Variants in TRPC4 observed in about 807,000 individuals in gnomAD.
TRPC4 encodes the protein transient receptor potential cation channel subfamily C member 4, also known as short transient receptor potential channel 4.
TRPC4 carries 49 observed loss-of-function variants against 99.4 expected under a neutral mutation model. The observed-to-expected ratio is 0.49, with a 90% CI of 0.39 to 0.63. The LOEUF is 0.63. Among genes scored for constraint, TRPC4 ranks in the 20% least tolerant of loss-of-function variants. The pLI, the probability that TRPC4 is intolerant of heterozygous loss-of-function variation, is 0.00. For synonymous variants in TRPC4, 454 were observed against 425.9 expected (o/e 1.07, Z -0.81); for missense variants, 898 against 1,152.9 (o/e 0.78, Z 3.20).
rs145188910 is a variant in TRPC4 at position 37,716,800 on chromosome 13, C to T, written c.898-24465G>A. Reference sequence around the variant, plus strand: ...AGCATGGTATTTTTAAACTAGGAAGCTGGAAAAAAACATTTTTATTTTTAA... The same window carrying T: ...AGCATGGTATTTTTAAACTAGGAAGTTGGAAAAAAACATTTTTATTTTTAA... On this transcript the variant is annotated intron_variant, in intron 3 of 10. Coordinates refer to ENST00000379705, the MANE Select transcript of TRPC4 (RefSeq NM_016179.4). 1.6e-3 allele frequency among the ~76,000 whole-genome samples: 243 copies of T among 152,180 alleles called. 2 individuals carry two copies. The highest frequency in any genetic ancestry group is 5.3e-3 in the African/African-American group (221 of 41,534).
intron 3 of TRPC4, among the ~76,000 whole-genome samples, chr13:37,694,892 T>C (rs1193283083): frequency 6.6e-6 from 1 of 152,182 alleles, no homozygotes; most frequent in Non-Finnish European, 1.5e-5. Context: ...CTGAGAATCA[T>C]TGTAAATCCA....
At chr13:37,793,677 A>G (rs1485469328) in intron 1 of TRPC4, among the ~76,000 whole-genome samples, 2 of 152,074 alleles carry the variant, frequency 1.3e-5, no homozygotes, top group Admixed American at 6.6e-5. Context: ...AAATCTACCA[A>G]TAAGATAAAA....
chr13:37,861,958 G>A (rs1959368347), intron 1 of TRPC4, among the ~76,000 whole-genome samples: 1 of 151,232 alleles, frequency 6.6e-6, no homozygotes, highest in South Asian at 2.1e-4. Context: ...TTCCAATAAT[G>A]GTTTTTTTTA....
chr13:37,860,482 A>C (rs1429607638), intron 1 of TRPC4, among the ~76,000 whole-genome samples: 1 of 151,420 alleles, frequency 6.6e-6, no homozygotes, highest in Non-Finnish European at 1.5e-5. Flanking sequence ...CCTTTCTTAA[A>C]ACCTTTTTGT....
intron 1 of TRPC4, among the ~76,000 whole-genome samples, chr13:37,794,315 T>C (rs1957197163): frequency 6.6e-6 from 1 of 152,142 alleles, no homozygotes; most frequent in African/African-American, 2.4e-5. Context: ...CTGTCCTTAA[T>C]AACTAGCAAA....
At chr13:37,658,580 CA>C (rs1270236077) in intron 6 of TRPC4, among the ~76,000 whole-genome samples, 1 of 152,116 alleles carries the variant, frequency 6.6e-6, no homozygotes, top group African/African-American at 2.4e-5. Context: ...TGGCCAGTTA[CA>C]ACCATTAGGA....
At chr13:37,677,172 A>G (rs972347509) in intron 4 of TRPC4, among the ~76,000 whole-genome samples, 1 of 152,062 alleles carries the variant, frequency 6.6e-6, no homozygotes, top group Admixed American at 6.5e-5. Context: ...TTAATATTTT[A>G]TATTGTAAAT....
chr13:37,768,697 T>C (rs1408682132), intron 2 of TRPC4, among the ~76,000 whole-genome samples: 1 of 127,520 alleles, frequency 7.8e-6, no homozygotes, highest in Non-Finnish European at 1.8e-5. Context: ...CACACACACA[T>C]CAGGATAGGT....
intron 1 of TRPC4, among the ~76,000 whole-genome samples, chr13:37,795,500 T>C (rs1000595283): frequency 2.0e-5 from 3 of 151,620 alleles, no homozygotes; most frequent in Admixed American, 6.6e-5. Flanking sequence ...CAGCAAGCTC[T>C]ATCAGGGGGG....
intron 2 of TRPC4, among the ~76,000 whole-genome samples, chr13:37,765,323 A>G (rs1956334877): frequency 6.6e-6 from 1 of 151,458 alleles, no homozygotes; most frequent in African/African-American, 2.4e-5. Flanking sequence ...GGGTTTTTTA[A>G]TAGGCTAAAT....
intron 1 of TRPC4, among the ~76,000 whole-genome samples, chr13:37,783,879 G>GT (rs571958280): frequency 1.2e-3 from 185 of 151,384 alleles, no homozygotes; most frequent in Non-Finnish European, 2.0e-3. Context: ...GTTTTGTTTT[G>GT]TTTTTTTTGG....
intron 1 of TRPC4, among the ~76,000 whole-genome samples, chr13:37,822,352 G>A (rs1265173667): frequency 3.9e-5 from 6 of 151,910 alleles, no homozygotes; most frequent in Admixed American, 6.6e-5. Context: ...GTATACATGT[G>A]CCATGCTGGT....
chr13:37,659,467 C>G (rs1203880027), intron 6 of TRPC4, among the ~76,000 whole-genome samples: 1 of 152,056 alleles, frequency 6.6e-6, no homozygotes, highest in Non-Finnish European at 1.5e-5. Context: ...TATAAATTAC[C>G]TAGTCTCAGA....
intron 6 of TRPC4, among the ~76,000 whole-genome samples, chr13:37,658,099 C>A (rs889909767): frequency 1.3e-5 from 2 of 152,136 alleles, no homozygotes; most frequent in African/African-American, 2.4e-5. Context: ...TCTATTGAGA[C>A]CAACATTGCC....
At chr13:37,845,803 C>A (rs796163273) in intron 1 of TRPC4, among the ~76,000 whole-genome samples, 1 of 151,974 alleles carries the variant, frequency 6.6e-6, no homozygotes, top group Non-Finnish European at 1.5e-5. Flanking sequence ...CAACAACATC[C>A]AGGTACAGGC....
chr13:37,764,834 T>C (rs1393533756), intron 2 of TRPC4, among the ~76,000 whole-genome samples: 1 of 148,852 alleles, frequency 6.7e-6, no homozygotes, highest in African/African-American at 2.5e-5. Context: ...TTTTTGCATC[T>C]AGTGAGAATC....
At chr13:37,756,267 G>GATGAATGT (rs1222501273) in intron 2 of TRPC4, among the ~76,000 whole-genome samples, 1 of 152,184 alleles carries the variant, frequency 6.6e-6, no homozygotes, top group Non-Finnish European at 1.5e-5. Context: ...TAGATGAATG[G>GATGAATGT]ATGAATGGAT....
At chr13:37,649,046 T>C (rs1951938601) in intron 8 of TRPC4, among the ~76,000 whole-genome samples, 1 of 151,946 alleles carries the variant, frequency 6.6e-6, no homozygotes, top group South Asian at 2.1e-4. Context: ...TAAATCAAAA[T>C]ACTCTTATGA....
chr13:37,794,196 G>A (rs1329143311), intron 1 of TRPC4, among the ~76,000 whole-genome samples: 1 of 103,972 alleles, frequency 9.6e-6, no homozygotes, highest in African/African-American at 3.4e-5. Flanking sequence ...TTACATATGG[G>A]TAATTGGTGG....
Sources: allele counts gnomAD v4.1 joint callset (sites outside exome capture counted in the v4.1 genomes callset), GRCh38; gene constraint gnomAD v4.1.1; transcripts MANE v1.5; gene names NCBI Gene and HGNC (gene_info 2026-07-23, HGNC 2026-07-21).